ZNF567: variants seen among roughly 807,000 people sequenced by gnomAD.
ZNF567 encodes the protein zinc finger protein 567.
In ZNF567, 36 loss-of-function variants were observed where a neutral mutation model predicts 53.9. The observed-to-expected ratio is 0.67, with a 90% CI of 0.51 to 0.88. The LOEUF (loss-of-function observed/expected upper bound fraction) is 0.88, where lower values mean the gene tolerates loss of function less well. ZNF567 is among the 40% of genes least tolerant of loss of function. The pLI is 0.00. For synonymous variants in ZNF567, 224 were observed against 260.4 expected (o/e 0.86, Z 1.35); for missense variants, 619 against 764.7 (o/e 0.81, Z 2.25).
chr19:36,689,954 T>A (rs1165746389), intron 2 of ZNF567, among the ~76,000 whole-genome samples: 1 of 152,182 alleles, frequency 6.6e-6, no homozygotes, highest in Non-Finnish European at 1.5e-5. Context: ...CCACTGTCTT[T>A]AAAGGAGGAG....
chr19:36,669,747 C>T, the ZNF567 span, among the ~76,000 whole-genome samples: 1 of 152,124 alleles, frequency 6.6e-6, no homozygotes, highest in Non-Finnish European at 1.5e-5. Flanking sequence ...GGTGCTCTTC[C>T]TTAAGGGGAC....
intron 3 of ZNF567, chr19:36,711,782 T>C (rs2039799768): frequency 6.6e-6 from 1 of 152,332 alleles, no homozygotes; most frequent in Non-Finnish European, 1.5e-5. Flanking sequence ...GTTACATGCC[T>C]CTGGTAACTT....
chr19:36,724,855 TAAAAA>T (rs879898922), downstream of ZNF567, among the ~76,000 whole-genome samples: 2 of 140,648 alleles, frequency 1.4e-5, no homozygotes, highest in African/African-American at 2.6e-5. Flanking sequence ...CTCAAAAAAT[TAAAAA>T]AAAAAAAAAG....
At chr19:36,666,962 C>T in the ZNF567 span, 1 of 152,514 alleles carries the variant, frequency 6.6e-6, no homozygotes, top group Middle Eastern at 3.4e-3. Flanking sequence ...GGAGTGACGC[C>T]AACCTGTTAA....
At chr19:36,708,892 G>A (rs1173155875) in intron 3 of ZNF567, among the ~76,000 whole-genome samples, 3 of 152,086 alleles carry the variant, frequency 2.0e-5, no homozygotes, top group Admixed American at 1.3e-4. Context: ...TTTTAGTTAT[G>A]CGTTTGCATT....
At chr19:36,711,431 A>G (rs535607833) in intron 3 of ZNF567, 1 of 152,336 alleles carries the variant, frequency 6.6e-6, no homozygotes, top group South Asian at 2.1e-4. Context: ...AAACAGCCAC[A>G]AAATTAGCAG....
chr19:36,701,186 T>C (rs1000793299), intron 3 of ZNF567, among the ~76,000 whole-genome samples: 1 of 152,226 alleles, frequency 6.6e-6, no homozygotes, highest in Non-Finnish European at 1.5e-5. Flanking sequence ...ATGTACCCAG[T>C]AGTCATTCAG....
At chr19:36,726,972 C>CTT (rs1258290933), downstream of ZNF567, 3 of 129,322 alleles carry the variant, frequency 2.3e-5, no homozygotes, top group South Asian at 2.5e-4. Flanking sequence ...TTCTTTCTTT[C>CTT]TTTCTTTCTT....
chr19:36,723,282 C>T, downstream of ZNF567: 1 of 699,542 alleles, frequency 1.4e-6, no homozygotes, highest in Non-Finnish European at 2.6e-6. Flanking sequence ...ACATTCTACT[C>T]CCCTTTGATT....
At chr19:36,727,193 T>G (rs2145943273), downstream of ZNF567, 1 of 151,374 alleles carries the variant, frequency 6.6e-6, no homozygotes, top group East Asian at 2.0e-4. Flanking sequence ...TGCCTCAGCC[T>G]CCCAAGTAGC....
At chr19:36,668,286 A>C in the ZNF567 span, 1 of 152,296 alleles carries the variant, frequency 6.6e-6, no homozygotes, top group Non-Finnish European at 1.5e-5. Context: ...GCTGTTCTAT[A>C]TGCCCGCGTG....
At chr19:36,676,368 CT>C in the ZNF567 span, among the ~76,000 whole-genome samples, 48,816 of 145,272 alleles carry the variant, frequency 0.34, 8,033 homozygotes, top group East Asian at 0.58. Context: ...ACCCAACCAA[CT>C]TTTTTTTTTT....
At chr19:36,673,880 A>G in the ZNF567 span, among the ~76,000 whole-genome samples, 1 of 152,178 alleles carries the variant, frequency 6.6e-6, no homozygotes, top group Non-Finnish European at 1.5e-5. Context: ...AACTTGTAAA[A>G]TGTCACAGAG....
At chr19:36,693,010 G>GT (rs2038700009) in intron 2 of ZNF567, among the ~76,000 whole-genome samples, 1 of 152,002 alleles carries the variant, frequency 6.6e-6, no homozygotes, top group African/African-American at 2.4e-5. Flanking sequence ...GGAGTAGGCG[G>GT]TATGTGGTGG....
rs1600561267 is a variant in ZNF567 at position 36,712,444 on chromosome 19, T to C, written c.68T>C (p.Leu23Pro). Residue 23 changes from leucine to proline, a missense_variant, in exon 4 of 6, where the codon CTG (leucine) becomes CCG (proline). Transcript: ENST00000682579. ...TTCACTCAGGAGGAGTGGCAGCACC[T>C]GGATCATGCTCAGAAGACTCTATAT... ...VDFTQEEWQH[L>P]DHAQKTLYMD... is the part of the protein sequence containing the mutation. 1 of 1,614,070 alleles carries C rather than the reference T, an allele frequency of 6.2e-7. No individual in the cohort carries two copies.
chr19:36,689,481 T>A lies in ZNF567; in HGVS notation c.-83T>A, dbSNP rs1317382836. ...GACAAGAAGAGGCTAACATGACTGA[T>A]ACCACTATAATTTAGTGTAAGTCAT... is the stretch of plus-strand genomic sequence containing the variant. On this transcript the variant is annotated 5_prime_UTR_variant, in exon 2 of 6. Transcript: ENST00000682579. The A allele has an allele frequency of 6.6e-6, 1 of 152,130 alleles. No homozygotes were observed. Among genetic ancestry groups the A allele is most frequent in the Non-Finnish European group, 1.5e-5 (1 of 68,040 alleles). 9.4% of individuals were successfully genotyped at this position (152,130 alleles called of 1,614,324 possible). A position where few individuals can be genotyped will look rare whatever the true frequency, so the allele number is the denominator to read the frequency against.
chr19:36,678,091 G>C, the ZNF567 span, among the ~76,000 whole-genome samples: 1 of 152,166 alleles, frequency 6.6e-6, no homozygotes, highest in Non-Finnish European at 1.5e-5. Context: ...TGAAGAAAAG[G>C]AGATAGCCGT....
chr19:36,710,864 T>G (rs1156651778), intron 3 of ZNF567, among the ~76,000 whole-genome samples: 1 of 152,230 alleles, frequency 6.6e-6, no homozygotes, highest in Admixed American at 6.5e-5. Context: ...AGCAGAAGCC[T>G]TAGAATCTTA....
chr19:36,684,116 A>T (rs2038227284), upstream of ZNF567, among the ~76,000 whole-genome samples: 1 of 152,228 alleles, frequency 6.6e-6, no homozygotes. Context: ...AGAACAGTGC[A>T]GCCATTAAAA....
Sources: gnomAD v4.1 joint callset for allele counts (sites outside exome capture counted in the v4.1 genomes callset) on GRCh38, gnomAD v4.1.1 for gene constraint, MANE v1.5 for transcripts, NCBI Gene and HGNC (gene_info 2026-07-23, HGNC 2026-07-21) for gene names.